CCDC82: variants seen among roughly 807,000 people sequenced by gnomAD.
CCDC82 encodes coiled-coil domain-containing protein 82.
Under a neutral mutation model 60.6 loss-of-function variants are expected in CCDC82, and 47 were observed. That is an observed-to-expected ratio of 0.77 (90% confidence interval 0.61 to 0.99). CCDC82 has a LOEUF of 0.99. CCDC82 is among the 50% of genes least tolerant of loss of function. CCDC82 has a pLI of 0.00. For synonymous variants in CCDC82, 212 were observed against 207.4 expected (o/e 1.02, Z -0.19); for missense variants, 588 against 633.0 (o/e 0.93, Z 0.76).
rs1244138305 is a variant in CCDC82, at chr11:96,386,234, T to C, written c.-15+20A>G. The C allele has an allele frequency of 6.6e-6, 1 of 152,558 alleles. No individual in the cohort carries two copies. The highest frequency in any genetic ancestry group is 2.4e-5 in the African/African-American group (1 of 41,438). 9.5% of individuals were successfully genotyped at this position (152,558 alleles called of 1,614,324 possible). A position where few individuals can be genotyped will look rare whatever the true frequency, so the allele number is the denominator to read the frequency against. ...ACAAAAATTCAATGCCAAAAATTTTTTGAGCAATGGGAATCTTACCGGACT... is the reference window on the plus strand; with the variant it reads ...ACAAAAATTCAATGCCAAAAATTTTCTGAGCAATGGGAATCTTACCGGACT... On this transcript the variant is annotated intron_variant, in intron 3 of 9. Coordinates refer to ENST00000646818, the MANE Select transcript of CCDC82 (RefSeq NM_024725.4).
At chr11:96,357,058 G>A in intron 9 of CCDC82, 4 of 985,438 alleles carry the variant, frequency 4.1e-6, no homozygotes, top group Non-Finnish European at 4.8e-6. Flanking sequence ...GTGACTACCA[G>A]ACTGTAGCTA....
intron 8 of CCDC82, 143 bp from the exon 9 acceptor site, chr11:96,359,321 A>G (rs1864510962): frequency 1.6e-6 from 1 of 639,210 alleles, no homozygotes; most frequent in Non-Finnish European, 2.5e-6. Flanking sequence ...TTACTTATAC[A>G]ACTAGTCAAA....
In CCDC82 at chr11:96,373,475, T is replaced by TA. The variant is rs1365287133; in HGVS notation, c.992-9dup. 4 of 1,509,716 alleles carry TA rather than the reference T, an allele frequency of 2.6e-6. No homozygotes were observed. Among genetic ancestry groups the TA allele is most frequent in the Non-Finnish European group, 2.7e-6 (3 of 1,092,260 alleles). The allele number at this position is 1,509,716 out of a possible 1,614,324, so 93.5% of individuals were successfully genotyped here. A position where few individuals can be genotyped will look rare whatever the true frequency, so the allele number is the denominator to read the frequency against. On this transcript the variant is annotated splice_polypyrimidine_tract_variant and intron_variant, in intron 5 of 9. Transcript: ENST00000646818. ...AGTGGTCACTAAAAGAATCTGAAAT[T>TA]AATTTCAAATAAATATTAGAACAGA...
chr11:96,386,383 A>C (rs1007891347), intron 2 of CCDC82, 90 bp from the exon 3 acceptor site: 1 of 152,230 alleles, frequency 6.6e-6, no homozygotes, highest in Non-Finnish European at 1.5e-5. Flanking sequence ...TATAATGGTT[A>C]ACACCTCATG....
rs753170761 is a variant in CCDC82, at chr11:96,384,335, T to C, written c.413A>G (p.Asn138Ser). 1.2e-6 allele frequency: 2 copies of C among 1,613,794 alleles called. No homozygotes were observed. Among genetic ancestry groups the C allele is most frequent in the South Asian group, 1.1e-5 (1 of 91,074 alleles). ...CTCTATTATTTGTCCAGTTTGTTTGTTGAGATCATTATCCTCTTGACTTAA... is the reference window on the plus strand; with the variant it reads ...CTCTATTATTTGTCCAGTTTGTTTGCTGAGATCATTATCCTCTTGACTTAA... The part of the protein sequence containing the change: ...KHLSQEDNDL[N>S]KQTGQIIEDD... The change falls in exon 4 of 10, where the codon AAC becomes AGC. Residue 138 changes from asparagine (N) to serine (S), a missense_variant. By Grantham distance (46) the Asn-to-Ser change is conservative (BLOSUM62 1). Coordinates refer to ENST00000646818, the MANE Select transcript of CCDC82 (RefSeq NM_024725.4).
rs1279565577 is a variant in CCDC82 at position 96,384,017 on chromosome 11, T to C, written c.731A>G (p.Lys244Arg). The change falls in exon 4 of 10, where the codon AAA becomes AGA. Residue 244 changes from lysine (K) to arginine (R), a missense_variant. Coordinates refer to ENST00000646818, the MANE Select transcript of CCDC82 (RefSeq NM_024725.4). ...AQKREKLQKL[K>R]ELSKQRSRQR... is the part of the protein sequence containing the mutation. ...ACGAGATCTTTGTTTTGAGAGTTCTTTGAGCTTCTGAAGTTTTTCTCGCTT... is the reference window on the plus strand; with the variant it reads ...ACGAGATCTTTGTTTTGAGAGTTCTCTGAGCTTCTGAAGTTTTTCTCGCTT... The C allele has an allele frequency of 8.7e-6, 14 of 1,613,530 alleles. No homozygotes were observed. The highest frequency in any genetic ancestry group is 5.0e-5 in the Admixed American group (3 of 59,960).
intron 5 of CCDC82, chr11:96,381,589 T>A (rs772013620): frequency 6.6e-6 from 1 of 151,750 alleles, no homozygotes; most frequent in Non-Finnish European, 1.5e-5. Flanking sequence ...TCTTTGAAAT[T>A]TTGTAGAATT....
chr11:96,374,099 T>C (rs554259752), intron 5 of CCDC82, among the ~76,000 whole-genome samples: 5 of 152,324 alleles, frequency 3.3e-5, no homozygotes, highest in Admixed American at 1.3e-4. Flanking sequence ...AGATTCCTAC[T>C]ATTCTCATTA....
intron 8 of CCDC82, among the ~76,000 whole-genome samples, chr11:96,359,924 C>G (rs543350956): frequency 6.6e-6 from 1 of 151,108 alleles, no homozygotes; most frequent in Admixed American, 6.6e-5. Flanking sequence ...TTGCTGTCAG[C>G]CAGCTATAAG....
intron 1 of CCDC82, chr11:96,389,148 A>G (rs1866386678): frequency 6.6e-6 from 1 of 152,242 alleles, no homozygotes; most frequent in Admixed American, 6.5e-5. Context: ...GAAAATAAAC[A>G]TAAAGAGAGG....
intron 6 of CCDC82, 61 bp downstream of exon 6, chr11:96,373,314 G>T (rs1865382612): frequency 3.9e-6 from 4 of 1,038,106 alleles, no homozygotes; most frequent in East Asian, 2.4e-5. Context: ...TAAAAGTGAG[G>T]TTGTTTTAAA....
chr11:96,376,793 C>T (rs1235437396), intron 5 of CCDC82, among the ~76,000 whole-genome samples: 1 of 152,048 alleles, frequency 6.6e-6, no homozygotes, highest in Non-Finnish European at 1.5e-5. Context: ...GGAATTTTTC[C>T]TGATTATATC....
intron 8 of CCDC82, among the ~76,000 whole-genome samples, chr11:96,360,948 G>A (rs1464292115): frequency 1.3e-5 from 2 of 152,202 alleles, no homozygotes; most frequent in East Asian, 1.9e-4. Flanking sequence ...TCATGGCTCC[G>A]TAAAAACCTT....
intron 9 of CCDC82, chr11:96,356,864 G>A (rs1864375360): frequency 2.0e-6 from 2 of 985,234 alleles, no homozygotes; most frequent in Non-Finnish European, 1.2e-6. Context: ...TAAAATGGCT[G>A]AAGAAGCAGG....
At chr11:96,385,498 T>C (rs982914711) in intron 3 of CCDC82, 33 of 152,208 alleles carry the variant, frequency 2.2e-4, no homozygotes, top group African/African-American at 7.5e-4. Flanking sequence ...AAGTAACAAA[T>C]GACATAAAGA....
intron 1 of CCDC82, chr11:96,388,527 T>C (rs1390788445): frequency 1.3e-5 from 2 of 152,204 alleles, no homozygotes; most frequent in Non-Finnish European, 2.9e-5. Context: ...GAATATATAT[T>C]AAAGACAATA....
chr11:96,359,789 T>G (rs1864544184), intron 8 of CCDC82, among the ~76,000 whole-genome samples: 1 of 151,782 alleles, frequency 6.6e-6, no homozygotes, highest in Non-Finnish European at 1.5e-5. Context: ...GTATTGGCAG[T>G]TTTTTACTAG....
chr11:96,365,852 T>C (rs910901112), intron 7 of CCDC82, among the ~76,000 whole-genome samples: 43 of 150,658 alleles, frequency 2.9e-4, no homozygotes, highest in African/African-American at 9.3e-4. Flanking sequence ...TAGTGTAGAT[T>C]AGGTTTTAAT....
intron 9 of CCDC82, chr11:96,355,074 T>C (rs545869700): frequency 6.6e-6 from 1 of 152,348 alleles, no homozygotes; most frequent in Admixed American, 6.5e-5. Context: ...GAATTTTCTT[T>C]GGCCTAGTAC....
Sources: allele counts gnomAD v4.1 joint callset (sites outside exome capture counted in the v4.1 genomes callset), GRCh38; gene constraint gnomAD v4.1.1; transcripts MANE v1.5; gene names NCBI Gene and HGNC (gene_info 2026-07-23, HGNC 2026-07-21).